Variants in ENTHD1 observed in about 807,000 individuals in gnomAD.
The protein encoded by ENTHD1 is ENTH domain-containing protein 1.
Under a neutral mutation model 39.1 loss-of-function variants are expected in ENTHD1, and 23 were observed. That is an observed-to-expected ratio of 0.59 (90% confidence interval 0.42 to 0.83). ENTHD1 has a LOEUF of 0.83. Among genes scored for constraint, ENTHD1 ranks in the 40% least tolerant of loss-of-function variants. ENTHD1 has a pLI of 0.00. For synonymous variants in ENTHD1, 230 were observed against 258.2 expected (o/e 0.89, Z 1.05); for missense variants, 624 against 705.4 (o/e 0.88, Z 1.31).
intron 5 of ENTHD1, among the ~76,000 whole-genome samples, chr22:39,783,856 A>G (rs1021519731): frequency 5.9e-5 from 9 of 152,198 alleles, no homozygotes; most frequent in Non-Finnish European, 1.3e-4. Flanking sequence ...TTTTTGTGTT[A>G]AGACCACAAA....
chr22:39,866,113 T>C (rs2066179892), intron 2 of ENTHD1, among the ~76,000 whole-genome samples: 1 of 152,166 alleles, frequency 6.6e-6, no homozygotes, highest in East Asian at 1.9e-4. Context: ...ATGCCACGAT[T>C]GGCAACCTCA....
In ENTHD1 at chr22:39,821,134, A is replaced by G. The variant is rs143615095; in HGVS notation, c.712-21T>C. The G allele has an allele frequency of 3.5e-5, 57 of 1,612,588 alleles. No homozygotes were observed. In the East Asian group the frequency reaches 1.2e-3, roughly 35 times the overall value. On this transcript the variant is annotated intron_variant, in intron 4 of 6. Coordinates refer to ENST00000325157, the MANE Select transcript of ENTHD1 (RefSeq NM_152512.4). Reference sequence around the variant, plus strand: ...AGGTCCTGACAGAAAACACAAGAACATGAGAATTGAAGAAAAAAATTAATA... The same window carrying G: ...AGGTCCTGACAGAAAACACAAGAACGTGAGAATTGAAGAAAAAAATTAATA...
rs1601671150 is a variant in ENTHD1, at chr22:39,886,384, A to AATGTAAGATATGAACTTTC, written c.349+997_349+1015dup. Reference sequence around the variant, plus strand: ...CTGTAGAACACAAAGAGTGACTCCTAATGTAAGATATGAACTTTCATTAAC... The same window carrying AATGTAAGATATGAACTTTC: ...CTGTAGAACACAAAGAGTGACTCCTAATGTAAGATATGAACTTTCATGTAAGATATGAACTTTCATTAAC... On this transcript the variant is annotated intron_variant, in intron 2 of 6. Transcript: ENST00000325157. Among the ~76,000 whole-genome samples, 4 of 152,314 alleles carry AATGTAAGATATGAACTTTC rather than the reference A, an allele frequency of 2.6e-5. No homozygotes were observed. The East Asian group carries it at 5.8e-4, about 22-fold the overall frequency.
chr22:39,875,166 T>C (rs1034179932), intron 2 of ENTHD1: 79 of 535,494 alleles, frequency 1.5e-4, no homozygotes, highest in Non-Finnish European at 3.6e-5. Flanking sequence ...CTGATATACA[T>C]AACAATATGG....
intron 1 of ENTHD1, among the ~76,000 whole-genome samples, chr22:39,888,260 C>CTTT (rs61092462): frequency 4.2e-4 from 46 of 110,492 alleles, no homozygotes; most frequent in African/African-American, 8.9e-4. Context: ...TTCTTTCTTT[C>CTTT]TTTTTTTTTT....
chr22:39,835,048 T>A (rs747804579), intron 4 of ENTHD1, among the ~76,000 whole-genome samples: 2 of 152,160 alleles, frequency 1.3e-5, no homozygotes, highest in African/African-American at 4.8e-5. Flanking sequence ...TGTTTACACG[T>A]ATCTATACAT....
At chr22:39,812,682 G>A (rs1470271204) in intron 5 of ENTHD1, among the ~76,000 whole-genome samples, 1 of 152,222 alleles carries the variant, frequency 6.6e-6, no homozygotes, top group East Asian at 1.9e-4. Context: ...CACAGATGCG[G>A]AGCATCCAGA....
intron 6 of ENTHD1, among the ~76,000 whole-genome samples, chr22:39,747,722 T>A (rs1279634437): frequency 6.6e-6 from 1 of 152,130 alleles, no homozygotes; most frequent in Non-Finnish European, 1.5e-5. Flanking sequence ...TACCTTCCAT[T>A]ACTCTTAGTT....
rs2066393303 is a variant in ENTHD1 at position 39,887,812 on chromosome 22, G to A, written c.-64C>T. On this transcript the variant is annotated 5_prime_UTR_variant, in exon 2 of 7. Transcript: ENST00000325157. ...CAATGGAATAACAGTTTATGTCACG[G>A]GTTTATAAAACTCTTGACAGGTAAT... 2 of 1,251,470 alleles carry A rather than the reference G, an allele frequency of 1.6e-6. No homozygotes were observed. The highest frequency in any genetic ancestry group is 2.2e-6 in the Non-Finnish European group (2 of 908,774). 77.5% of individuals were successfully genotyped at this position (1,251,470 alleles called of 1,614,324 possible).
intron 5 of ENTHD1, among the ~76,000 whole-genome samples, chr22:39,811,670 A>C (rs2065687135): frequency 6.6e-6 from 1 of 152,200 alleles, no homozygotes; most frequent in South Asian, 2.1e-4. Context: ...GTAGCATTCC[A>C]CTGTCAAATC....
chr22:39,762,416 A>C (rs2065242173), intron 6 of ENTHD1, among the ~76,000 whole-genome samples: 3 of 144,914 alleles, frequency 2.1e-5, no homozygotes, highest in Non-Finnish European at 4.6e-5. Context: ...TTTTCATTTG[A>C]TTTTTTTTTT....
intron 5 of ENTHD1, among the ~76,000 whole-genome samples, chr22:39,791,915 G>A (rs754536992): frequency 1.5e-4 from 23 of 151,792 alleles, no homozygotes; most frequent in African/African-American, 7.3e-5. Context: ...AGGCCCTAGT[G>A]TCTATTCTTC....
At position 39,884,863 on chromosome 22, in the gene ENTHD1, G is replaced by T. The variant is rs1055135668; in HGVS notation, c.349+2537C>A. Reference sequence around the variant, plus strand: ...ACAAATTAATTCAAAAAGGACCCAGGATCTGAATCTACAAGCTAAAACTAT... The same window carrying T: ...ACAAATTAATTCAAAAAGGACCCAGTATCTGAATCTACAAGCTAAAACTAT... On this transcript the variant is annotated intron_variant, in intron 2 of 6. Coordinates refer to ENST00000325157, the MANE Select transcript of ENTHD1 (RefSeq NM_152512.4). 5.9e-5 allele frequency among the ~76,000 whole-genome samples: 9 copies of T among 152,272 alleles called. No homozygotes were observed. In the South Asian group the frequency reaches 1.2e-3, roughly 21 times the overall value.
chr22:39,770,707 A>G (rs2065314422), intron 5 of ENTHD1, among the ~76,000 whole-genome samples: 1 of 152,184 alleles, frequency 6.6e-6, no homozygotes, highest in African/African-American at 2.4e-5. Context: ...GAACATGAAT[A>G]TATTTGCTCA....
At chr22:39,760,738 T>A (rs1226945016) in intron 6 of ENTHD1, among the ~76,000 whole-genome samples, 4 of 152,074 alleles carry the variant, frequency 2.6e-5, no homozygotes, top group African/African-American at 9.7e-5. Context: ...CTATTCCATA[T>A]TAATTCCTCA....
At chr22:39,852,206 T>C (rs1601641978) in intron 3 of ENTHD1, among the ~76,000 whole-genome samples, 1 of 148,814 alleles carries the variant, frequency 6.7e-6, no homozygotes, top group Non-Finnish European at 1.5e-5. Flanking sequence ...ATTTAGCCGG[T>C]GTGGTGGCGC....
chr22:39,841,075 AT>A (rs1284090496), intron 3 of ENTHD1, among the ~76,000 whole-genome samples: 3 of 151,860 alleles, frequency 2.0e-5, no homozygotes, highest in East Asian at 1.9e-4. Flanking sequence ...TATTTGTCAT[AT>A]TTTTTTTAAC....
intron 3 of ENTHD1, among the ~76,000 whole-genome samples, chr22:39,857,443 C>CAA (rs71197196): frequency 3.6e-4 from 9 of 24,702 alleles, no homozygotes; most frequent in East Asian, 2.2e-3. Flanking sequence ...AACTCCGTCT[C>CAA]AAAAAAAAAA....
At chr22:39,875,150 G>A in intron 2 of ENTHD1, 1 of 464,054 alleles carries the variant, frequency 2.2e-6, no homozygotes, top group Non-Finnish European at 3.3e-6. Flanking sequence ...AAAAACAAAT[G>A]ATATTCTGAT....
Sources: gnomAD v4.1 joint callset for allele counts (sites outside exome capture counted in the v4.1 genomes callset) on GRCh38, gnomAD v4.1.1 for gene constraint, MANE v1.5 for transcripts, NCBI Gene and HGNC (gene_info 2026-07-23, HGNC 2026-07-21) for gene names.